SYNE2: variants seen among roughly 807,000 people sequenced by gnomAD.
SYNE2 encodes spectrin repeat containing nuclear envelope protein 2.
A neutral mutation model predicts 856.3 loss-of-function variants in SYNE2; 431 were observed. The observed-to-expected ratio is 0.50, with a 90% CI of 0.47 to 0.55. The LOEUF is 0.55. Ranked by LOEUF, SYNE2 falls within the 20% of genes least tolerant of loss-of-function variation. SYNE2 has a pLI of 0.00. For missense variants in SYNE2, 8,129 were observed against 8,023.2 expected, an observed-to-expected ratio of 1.01 and a Z score of -0.50; for synonymous variants, 2,923 against 2,872.3, an observed-to-expected ratio of 1.02 and a Z score of -0.56.
At chr14:64,138,942 GTATGGT>G (rs1160406095) in intron 79 of SYNE2, among the ~76,000 whole-genome samples, 2 of 134,048 alleles carry the variant, frequency 1.5e-5, no homozygotes, top group South Asian at 4.8e-4. Flanking sequence ...GTGTGTGTAT[GTATGGT>G]GTGTGTGTGT....
intron 38 of SYNE2, chr14:64,024,035 C>T (rs968405280): frequency 6.2e-6 from 3 of 486,366 alleles, no homozygotes; most frequent in Non-Finnish European, 1.1e-5. Context: ...GCTGATCTTC[C>T]TGGTGGCTCT....
chr14:64,216,314 A>G lies in SYNE2; in HGVS notation c.19469A>G (p.Tyr6490Cys), dbSNP rs1369148415. 2 of 1,614,130 alleles carry G rather than the reference A, an allele frequency of 1.2e-6. No homozygotes were observed. Among genetic ancestry groups the G allele is most frequent in the Admixed American group, 1.7e-5 (1 of 60,028 alleles). The change falls in exon 108 of 116, where the codon TAC (tyrosine) becomes TGC (cysteine). Residue 6490 changes from tyrosine to cysteine, a missense_variant. By Grantham distance (194) the Tyr-to-Cys change is radical. Transcript: ENST00000555002. Reference protein sequence around the residue: ...PDSPSCPEHHYKQMEGDRNVP... With the variant: ...PDSPSCPEHHCKQMEGDRNVP... ...AGCCCTTCCTGTCCCGAGCATCACTACAAGCAAATGGAAGGTGACAGGAAT... is the reference window on the plus strand; with the variant it reads ...AGCCCTTCCTGTCCCGAGCATCACTGCAAGCAAATGGAAGGTGACAGGAAT...
intron 56 of SYNE2, 148 bp downstream of exon 56, chr14:64,080,786 T>A (rs1255904258): frequency 3.1e-6 from 3 of 969,832 alleles, no homozygotes; most frequent in African/African-American, 1.6e-5. Context: ...GTGTGGGTGC[T>A]GAGGAGACAG....
chr14:64,181,578 G>A (rs1596036193), intron 96 of SYNE2, among the ~76,000 whole-genome samples: 1 of 152,090 alleles, frequency 6.6e-6, no homozygotes, highest in African/African-American at 2.4e-5. Flanking sequence ...CGTTCAACCC[G>A]TGACCATATT....
chr14:63,806,042 A>G (rs1394619616), intron 1 of SYNE2, among the ~76,000 whole-genome samples: 1 of 152,108 alleles, frequency 6.6e-6, no homozygotes, highest in African/African-American at 2.4e-5. Flanking sequence ...GAGAGTGGGC[A>G]TCTTTTGCTT....
intron 1 of SYNE2, among the ~76,000 whole-genome samples, chr14:63,795,859 G>A (rs1887899680): frequency 6.6e-6 from 1 of 152,184 alleles, no homozygotes; most frequent in Non-Finnish European, 1.5e-5. Context: ...AACACCTCAT[G>A]CTCTGTGGAA....
chr14:63,765,798 T>A (rs539233269), intron 1 of SYNE2, among the ~76,000 whole-genome samples: 1 of 144,240 alleles, frequency 6.9e-6, no homozygotes, highest in African/African-American at 2.7e-5. Flanking sequence ...CTGCGAAACA[T>A]TAAGTTTCAT....
Position 63,995,059 on chromosome 14 carries a change from C to T in SYNE2, c.2797C>T (p.Leu933=). 6.5e-7 allele frequency: 1 copy of T among 1,549,032 alleles called. No individual in the cohort carries two copies. Residue 933 remains leucine, a synonymous_variant, in exon 23 of 116, where the codon CTG becomes TTG. Transcript: ENST00000555002. The part of the protein sequence containing the change: ...CAKWESLHHE[L]SLYVQQLKID... ...TTTTTTGTAGTCTCTTCATCATGAA[C>T]TGTCTTTATATGTTCAACAACTAAA...
chr14:63,970,873 G>T (rs1298399253), intron 11 of SYNE2, among the ~76,000 whole-genome samples: 1 of 151,332 alleles, frequency 6.6e-6, no homozygotes, highest in African/African-American at 2.4e-5. Flanking sequence ...GGCTGGTCTC[G>T]AACTCCTGAC....
intron 67 of SYNE2, among the ~76,000 whole-genome samples, chr14:64,120,501 C>T (rs1000149626): frequency 7.2e-5 from 11 of 152,092 alleles, no homozygotes; most frequent in Non-Finnish European, 1.3e-4. Flanking sequence ...TGGTGGCTCA[C>T]GCCTGTAATC....
chr14:63,902,407 C>CGAAAA (rs2095349974), intron 1 of SYNE2, among the ~76,000 whole-genome samples: 1 of 74,644 alleles, frequency 1.3e-5, no homozygotes, highest in Non-Finnish European at 2.4e-5. Context: ...CGAGACTCCT[C>CGAAAA]AAAAAAAAAA....
intron 57 of SYNE2, among the ~76,000 whole-genome samples, chr14:64,083,776 A>G (rs979441475): frequency 6.6e-6 from 1 of 152,234 alleles, no homozygotes; most frequent in African/African-American, 2.4e-5. Flanking sequence ...TAAGCTTTAA[A>G]TGTTTGTTTT....
Position 64,126,735 on chromosome 14 carries a change from G to A in SYNE2, c.13845G>A (p.Glu4615=). 6.2e-7 allele frequency: 1 copy of A among 1,614,162 alleles called. No homozygotes were observed. The highest frequency in any genetic ancestry group is 8.5e-7 in the Non-Finnish European group (1 of 1,180,034). ...TTGACAACCTTCAAGTCTGCCTGGAGCACACTCAGGCTGCAGCTGTCTGTA... is the reference window on the plus strand; with the variant it reads ...TTGACAACCTTCAAGTCTGCCTGGAACACACTCAGGCTGCAGCTGTCTGTA... ...ECFDNLQVCL[E]HTQAAAVCRS... Residue 4615 remains glutamate, a synonymous_variant, in exon 73 of 116, where the codon GAG becomes GAA. Transcript: ENST00000555002.
chr14:64,001,796 A>G, intron 28 of SYNE2, 138 bp from the exon 29 acceptor site: 1 of 937,088 alleles, frequency 1.1e-6, no homozygotes, highest in Non-Finnish European at 1.7e-6. Context: ...TAATGTGATA[A>G]TGTGTATGTA....
intron 1 of SYNE2, among the ~76,000 whole-genome samples, chr14:63,899,152 T>C (rs1330244901): frequency 6.6e-6 from 1 of 152,208 alleles, no homozygotes; most frequent in Non-Finnish European, 1.5e-5. Flanking sequence ...GATTATGTGT[T>C]GATTTCACAT....
In SYNE2 at chr14:64,107,569, G is replaced by A; in HGVS notation, c.12571G>A (p.Gly4191Ser). Residue 4191 changes from glycine to serine, a missense_variant, in exon 65 of 116, where the codon GGC becomes AGC. Gly to Ser is a moderately conservative substitution (Grantham distance 56). This residue lies in a region of SYNE2 where 5,410 missense variants were observed against 5,284.8 expected (regional missense o/e 1.02). Transcript: ENST00000555002. Reference sequence around the variant, plus strand: ...ACCAGACTCACTAAACACTGAGCAAGGCCCAGAATGTTCCCTAAGGCCCAA... The same window carrying A: ...ACCAGACTCACTAAACACTGAGCAAAGCCCAGAATGTTCCCTAAGGCCCAA... The part of the protein sequence containing the change: ...LTPDSLNTEQ[G>S]PECSLRPNQT... The A allele has an allele frequency of 6.2e-7, 1 of 1,614,116 alleles. No individual in the cohort carries two copies. The highest frequency in any genetic ancestry group is 8.5e-7 in the Non-Finnish European group (1 of 1,180,018).
chr14:64,189,350 G>A (rs890057597), intron 98 of SYNE2, among the ~76,000 whole-genome samples: 1 of 151,616 alleles, frequency 6.6e-6, no homozygotes, highest in Non-Finnish European at 1.5e-5. Context: ...AAAAAAAGAA[G>A]CTCCCCTTGT....
At chr14:64,169,066 G>A in intron 93 of SYNE2, 95 bp downstream of exon 93, 1 of 936,192 alleles carries the variant, frequency 1.1e-6, no homozygotes, top group Non-Finnish European at 1.7e-6. Context: ...TGACCATGTT[G>A]GTGCCCTGTG....
At chr14:64,042,674 C>T (rs930673527) in intron 45 of SYNE2, among the ~76,000 whole-genome samples, 2 of 152,164 alleles carry the variant, frequency 1.3e-5, no homozygotes, top group Non-Finnish European at 2.9e-5. Flanking sequence ...CTGCCATCCA[C>T]CTAAGATGTG....
Sources: gnomAD v4.1 joint callset for allele counts (sites outside exome capture counted in the v4.1 genomes callset) on GRCh38, gnomAD v4.1.1 for gene constraint, gnomAD v4.1.1 regional missense constraint, MANE v1.5 for transcripts, NCBI Gene and HGNC (gene_info 2026-07-23, HGNC 2026-07-21) for gene names.